Variants in VPS13B observed in about 807,000 individuals in gnomAD.
VPS13B encodes vacuolar protein sorting 13 homolog B, also known as intermembrane lipid transfer protein VPS13B.
A neutral mutation model predicts 426.4 loss-of-function variants in VPS13B; 285 were observed. The ratio of observed to expected loss-of-function variants is 0.67; its 90% CI spans 0.61 to 0.74. The LOEUF is 0.74. Among genes scored for constraint, VPS13B ranks in the 30% least tolerant of loss-of-function variants. The pLI, the probability that VPS13B is intolerant of heterozygous loss-of-function variation, is 0.00. For synonymous variants in VPS13B, 1,676 were observed against 1,676.4 expected (o/e 1.00, Z 0.01); for missense variants, 4,537 against 4,782.6 (o/e 0.95, Z 1.51).
At chr8:99,424,847 G>A (rs1042752492) in intron 21 of VPS13B, among the ~76,000 whole-genome samples, 1 of 152,060 alleles carries the variant, frequency 6.6e-6, no homozygotes, top group Non-Finnish European at 1.5e-5. Flanking sequence ...AAAGAGAGAA[G>A]AATCAAATAG....
intron 19 of VPS13B, among the ~76,000 whole-genome samples, chr8:99,313,143 C>A (rs746384138): frequency 3.3e-5 from 5 of 151,976 alleles, no homozygotes; most frequent in African/African-American, 1.2e-4. Flanking sequence ...GAAGTTTGAT[C>A]GTCTGAAGCC....
chr8:99,439,556 A>G (rs1441157415), intron 22 of VPS13B, among the ~76,000 whole-genome samples: 1 of 152,124 alleles, frequency 6.6e-6, no homozygotes, highest in Non-Finnish European at 1.5e-5. Context: ...CTGAAGAGTA[A>G]CATACACTTA....
intron 33 of VPS13B, among the ~76,000 whole-genome samples, chr8:99,625,079 C>T (rs1828552830): frequency 6.6e-6 from 1 of 152,054 alleles, no homozygotes; most frequent in African/African-American, 2.4e-5. Flanking sequence ...CCCGCCTCAG[C>T]CTCCCAAAGT....
chr8:99,595,074 G>A (rs908704716), intron 33 of VPS13B, among the ~76,000 whole-genome samples: 1 of 151,990 alleles, frequency 6.6e-6, no homozygotes, highest in East Asian at 1.9e-4. Context: ...CTCTTCATAA[G>A]CTCTGTATGG....
chr8:99,357,965 T>C (rs1290016721), intron 19 of VPS13B, among the ~76,000 whole-genome samples: 1 of 151,756 alleles, frequency 6.6e-6, no homozygotes, highest in Non-Finnish European at 1.5e-5. Context: ...GTTTCTTCAT[T>C]GGTAAAATGG....
intron 19 of VPS13B, among the ~76,000 whole-genome samples, chr8:99,375,739 T>C (rs980517374): frequency 6.6e-6 from 1 of 152,186 alleles, no homozygotes; most frequent in African/African-American, 2.4e-5. Context: ...AAAATTAGAG[T>C]AGCACATAAT....
At chr8:99,221,533 C>G (rs973268693) in intron 17 of VPS13B, among the ~76,000 whole-genome samples, 6 of 152,266 alleles carry the variant, frequency 3.9e-5, no homozygotes, top group Middle Eastern at 3.4e-3. Flanking sequence ...ATGAATATAT[C>G]TTTGAAGTTT....
intron 19 of VPS13B, among the ~76,000 whole-genome samples, chr8:99,372,998 G>A (rs1813277409): frequency 6.6e-6 from 1 of 152,182 alleles, no homozygotes; most frequent in Admixed American, 6.5e-5. Context: ...AAAAGAATGA[G>A]TTCATGTCCT....
chr8:99,853,820 T>C lies in VPS13B; in HGVS notation c.10431T>C (p.Phe3477=), dbSNP rs754612695. Residue 3477 remains phenylalanine, a synonymous_variant, in exon 56 of 62, where the codon TTT becomes TTC. Coordinates refer to ENST00000357162, the MANE Select transcript of VPS13B (RefSeq NM_152564.5). ...TGGAAGAATACAAGGAAAAATGTTT[T>C]ATCAAACTTTGCATCACCTTAAATG... ...KELEEYKEKC[F]IKLCITLNEG... 1.2e-6 allele frequency: 2 copies of C among 1,614,278 alleles called. No individual in the cohort carries two copies. Among genetic ancestry groups the C allele is most frequent in the African/African-American group, 2.7e-5 (2 of 75,078 alleles).
intron 30 of VPS13B, among the ~76,000 whole-genome samples, chr8:99,539,620 T>G (rs894252326): frequency 6.6e-6 from 1 of 151,980 alleles, no homozygotes; most frequent in African/African-American, 2.4e-5. Context: ...CACCTGTAGT[T>G]CCAGCTACTT....
intron 35 of VPS13B, among the ~76,000 whole-genome samples, chr8:99,678,232 C>G (rs1418974702): frequency 6.6e-6 from 1 of 152,148 alleles, no homozygotes; most frequent in Non-Finnish European, 1.5e-5. Flanking sequence ...CAATTTACTA[C>G]CATCTTCAGG....
intron 21 of VPS13B, among the ~76,000 whole-genome samples, chr8:99,396,896 A>T (rs1404508328): frequency 6.6e-6 from 1 of 152,118 alleles, no homozygotes; most frequent in East Asian, 1.9e-4. Context: ...ATATTCCAGA[A>T]TACTAAGGCT....
chr8:99,168,887 T>C (rs1812169808), intron 15 of VPS13B, among the ~76,000 whole-genome samples: 1 of 152,080 alleles, frequency 6.6e-6, no homozygotes, highest in African/African-American at 2.4e-5. Flanking sequence ...AAAAATGTTT[T>C]ATTTCTAAAA....
intron 17 of VPS13B, among the ~76,000 whole-genome samples, chr8:99,202,811 C>T (rs980381788): frequency 6.6e-5 from 10 of 151,896 alleles, no homozygotes; most frequent in Admixed American, 5.2e-4. Context: ...AGGTGGATCA[C>T]GAGGTCAGGA....
chr8:99,342,814 C>G (rs1231332820), intron 19 of VPS13B, among the ~76,000 whole-genome samples: 2 of 150,232 alleles, frequency 1.3e-5, no homozygotes, highest in African/African-American at 4.9e-5. Context: ...TTTTGAGGAA[C>G]CTCCATACCG....
At chr8:99,742,741 T>C (rs150212508) in intron 39 of VPS13B, among the ~76,000 whole-genome samples, 3,573 of 152,248 alleles carry the variant, frequency 0.023, 351 homozygotes, top group East Asian at 0.18. Context: ...ATTATCTCAA[T>C]AGATGCAGAA....
intron 17 of VPS13B, among the ~76,000 whole-genome samples, chr8:99,213,673 C>T (rs1815231400): frequency 6.6e-6 from 1 of 152,176 alleles, no homozygotes; most frequent in Non-Finnish European, 1.5e-5. Context: ...AACTTTTGCA[C>T]ATTTATTCAA....
At chr8:99,443,159 G>A (rs1481029901) in intron 23 of VPS13B, among the ~76,000 whole-genome samples, 1 of 151,912 alleles carries the variant, frequency 6.6e-6, no homozygotes, top group Non-Finnish European at 1.5e-5. Flanking sequence ...TTTCAGTTAT[G>A]AATTCATAAC....
chr8:99,389,249 TA>T (rs1814293126), intron 20 of VPS13B, among the ~76,000 whole-genome samples: 1 of 152,232 alleles, frequency 6.6e-6, no homozygotes, highest in Non-Finnish European at 1.5e-5. Flanking sequence ...ATTGGATCTA[TA>T]AAATTTTATA....
Sources: gnomAD v4.1 joint callset for allele counts (sites outside exome capture counted in the v4.1 genomes callset) on GRCh38, gnomAD v4.1.1 for gene constraint, MANE v1.5 for transcripts, NCBI Gene and HGNC (gene_info 2026-07-23, HGNC 2026-07-21) for gene names.